ADAMTSL1: variants seen among roughly 807,000 people sequenced by gnomAD.
ADAMTSL1 encodes the protein ADAMTS-like protein 1.
In ADAMTSL1, 126 loss-of-function variants were observed where a neutral mutation model predicts 201.8. That is an observed-to-expected ratio of 0.62 (90% CI 0.54 to 0.72). ADAMTSL1 has a LOEUF of 0.72. ADAMTSL1 is among the 30% of genes least tolerant of loss of function. The pLI is 0.00. For synonymous variants in ADAMTSL1, 1,121 were observed against 903.4 expected, an observed-to-expected ratio of 1.24 and a Z score of -4.32; for missense variants, 2,679 against 2,277.8, an observed-to-expected ratio of 1.18 and a Z score of -3.59.
rs1265067667 is a variant in ADAMTSL1, at chr9:18,909,538, A to G, written c.*990A>G. ...CTAACTGCTGCTGTGGGCCAGGGCC[A>G]TTTTGAGCATGAATGGCCCAGGTTT... On this transcript the variant is annotated 3_prime_UTR_variant, in exon 29 of 29. Coordinates refer to ENST00000380548, the MANE Select transcript of ADAMTSL1 (RefSeq NM_001040272.6). 2 of 152,226 alleles carry G rather than the reference A, an allele frequency of 1.3e-5. No individual in the cohort carries two copies. The highest frequency in any genetic ancestry group is 4.8e-5 in the African/African-American group (2 of 41,436). The allele number at this position is 152,226 out of a possible 1,614,324, so 9.4% of individuals were successfully genotyped here.
intron 14 of ADAMTSL1, among the ~76,000 whole-genome samples, chr9:18,714,518 C>A (rs996405835): frequency 7.0e-6 from 1 of 142,850 alleles, no homozygotes; most frequent in South Asian, 2.4e-4. Context: ...AATTCCTCAA[C>A]ACATACACTC....
At chr9:18,293,943 T>A (rs1833372664) in intron 2 of ADAMTSL1, among the ~76,000 whole-genome samples, 1 of 152,142 alleles carries the variant, frequency 6.6e-6, no homozygotes, top group Non-Finnish European at 1.5e-5. Flanking sequence ...CATATTAAAC[T>A]GTACTAAACA....
chr9:18,894,567 G>T (rs937055574), intron 26 of ADAMTSL1, among the ~76,000 whole-genome samples: 3 of 151,940 alleles, frequency 2.0e-5, no homozygotes, highest in South Asian at 4.2e-4. Context: ...AGAAAGGAAG[G>T]AAGTCAAAAT....
At chr9:18,101,873 C>T (rs1393436355) in intron 1 of ADAMTSL1, among the ~76,000 whole-genome samples, 1 of 152,132 alleles carries the variant, frequency 6.6e-6, no homozygotes, top group Non-Finnish European at 1.5e-5. Flanking sequence ...TGGGGTTGCT[C>T]TCCCACATCA....
chr9:18,828,691 TA>T (rs1824768910), intron 22 of ADAMTSL1, among the ~76,000 whole-genome samples: 1 of 109,792 alleles, frequency 9.1e-6, no homozygotes, highest in Non-Finnish European at 1.7e-5. Flanking sequence ...TATATATATA[TA>T]TAAAATGTGT....
At chr9:18,612,614 A>G (rs1223684826) in intron 4 of ADAMTSL1, among the ~76,000 whole-genome samples, 2 of 152,210 alleles carry the variant, frequency 1.3e-5, no homozygotes, top group Non-Finnish European at 2.9e-5. Flanking sequence ...AAAACAAGCA[A>G]TGGGGAAAGG....
At chr9:18,904,553 G>A (rs984649730) in intron 26 of ADAMTSL1, among the ~76,000 whole-genome samples, 1 of 144,792 alleles carries the variant, frequency 6.9e-6, no homozygotes, top group Non-Finnish European at 1.5e-5. Flanking sequence ...GGGATCAATT[G>A]AGCCTGGGAG....
intron 16 of ADAMTSL1, among the ~76,000 whole-genome samples, chr9:18,769,299 C>T (rs796696821): frequency 1.3e-5 from 2 of 152,324 alleles, no homozygotes; most frequent in Middle Eastern, 3.4e-3. Flanking sequence ...CACAAACTCT[C>T]ACGCTTTTTA....
chr9:18,419,034 T>C (rs947217770), intron 2 of ADAMTSL1, among the ~76,000 whole-genome samples: 3 of 152,208 alleles, frequency 2.0e-5, no homozygotes, highest in Non-Finnish European at 4.4e-5. Flanking sequence ...AATAGATTCA[T>C]ATAAATGTGG....
intron 1 of ADAMTSL1, among the ~76,000 whole-genome samples, chr9:17,930,315 G>A (rs752638252): frequency 4.6e-5 from 7 of 152,076 alleles, no homozygotes; most frequent in Admixed American, 3.3e-4. Flanking sequence ...GATGACATAT[G>A]GGGGAAGGGA....
At position 18,346,076 on chromosome 9, in the gene ADAMTSL1, C is replaced by G. The variant is rs188736259; in HGVS notation, c.208-158753C>G. ...TCCAATCTGTACCTTATCCCTGACC[C>G]TGTATGCTACACATCCATTAGCCTT... is the stretch of plus-strand genomic sequence containing the variant. On this transcript the variant is annotated intron_variant, in intron 2 of 29. Transcript: ENST00000680146. Among the ~76,000 whole-genome samples, 5 of 152,274 alleles carry G rather than the reference C, an allele frequency of 3.3e-5. No individual in the cohort carries two copies. The East Asian group carries it at 5.8e-4, about 18-fold the overall frequency.
chr9:18,316,421 C>T (rs1360562044), intron 2 of ADAMTSL1, among the ~76,000 whole-genome samples: 1 of 152,036 alleles, frequency 6.6e-6, no homozygotes, highest in Non-Finnish European at 1.5e-5. Context: ...GACGGGCACA[C>T]CTGGGGGGGC....
intron 2 of ADAMTSL1, among the ~76,000 whole-genome samples, chr9:18,521,338 T>C (rs1272137860): frequency 6.6e-6 from 1 of 152,012 alleles, no homozygotes; most frequent in Admixed American, 6.6e-5. Flanking sequence ...AAAGGATAAG[T>C]GCTTGAGGGG....
intron 1 of ADAMTSL1, among the ~76,000 whole-genome samples, chr9:18,141,302 G>A (rs1309806262): frequency 1.3e-5 from 2 of 152,186 alleles, no homozygotes; most frequent in Non-Finnish European, 2.9e-5. Context: ...AGAAGAACAT[G>A]TTAAGGCAGC....
intron 15 of ADAMTSL1, among the ~76,000 whole-genome samples, chr9:18,744,819 C>T (rs1054383932): frequency 7.9e-5 from 12 of 152,214 alleles, no homozygotes; most frequent in Admixed American, 6.5e-4. Context: ...CTTCAGTCTT[C>T]TATCTTTCAT....
chr9:18,269,658 C>T (rs1832278195), intron 2 of ADAMTSL1, among the ~76,000 whole-genome samples: 1 of 152,058 alleles, frequency 6.6e-6, no homozygotes, highest in Non-Finnish European at 1.5e-5. Flanking sequence ...TATAACTGAT[C>T]TACTTGAAAA....
chr9:17,976,937 C>G (rs1190650740), intron 1 of ADAMTSL1, among the ~76,000 whole-genome samples: 2 of 151,912 alleles, frequency 1.3e-5, no homozygotes. Context: ...AAGCTTTTCA[C>G]TGTTGAGTAT....
intron 5 of ADAMTSL1, among the ~76,000 whole-genome samples, chr9:18,633,721 A>G (rs1826930074): frequency 7.3e-6 from 1 of 137,578 alleles, no homozygotes; most frequent in African/African-American, 2.7e-5. Flanking sequence ...ACAAATTCTT[A>G]GCTCTCTGAA....
intron 21 of ADAMTSL1, among the ~76,000 whole-genome samples, chr9:18,824,529 G>A (rs897682514): frequency 1.3e-5 from 2 of 152,074 alleles, no homozygotes; most frequent in Non-Finnish European, 2.9e-5. Context: ...ACTCTTTGAA[G>A]ACACTCTGCA....
Sources: gnomAD v4.1 joint callset for allele counts (sites outside exome capture counted in the v4.1 genomes callset) on GRCh38, gnomAD v4.1.1 for gene constraint, MANE v1.5 for transcripts, NCBI Gene and HGNC (gene_info 2026-07-23, HGNC 2026-07-21) for gene names.